CDK6: variants seen among roughly 807,000 people sequenced by gnomAD.
CDK6 encodes cyclin dependent kinase 6.
A neutral mutation model predicts 37.1 loss-of-function variants in CDK6; 6 were observed. That is an observed-to-expected ratio of 0.16 (90% CI 0.09 to 0.32). CDK6 has a LOEUF of 0.32. Ranked by LOEUF, CDK6 falls within the 10% of genes least tolerant of loss-of-function variation. CDK6 has a pLI of 1.00. For missense variants in CDK6, 224 were observed against 418.9 expected (o/e 0.53, Z 4.06); for synonymous variants, 160 against 161.3 (o/e 0.99, Z 0.06).
At chr7:92,620,152 T>C (rs1795777780) in intron 6 of CDK6, among the ~76,000 whole-genome samples, 1 of 152,196 alleles carries the variant, frequency 6.6e-6, no homozygotes, top group African/African-American at 2.4e-5. Context: ...CTACATCTAA[T>C]TACATCTTGC....
At chr7:92,713,637 T>C (rs970129063) in intron 4 of CDK6, among the ~76,000 whole-genome samples, 7 of 150,772 alleles carry the variant, frequency 4.6e-5, no homozygotes, top group African/African-American at 1.7e-4. Flanking sequence ...CCAAGTCAAT[T>C]TGTTTTAAGT....
At chr7:92,703,953 A>G (rs1002817953) in intron 4 of CDK6, among the ~76,000 whole-genome samples, 6 of 151,942 alleles carry the variant, frequency 3.9e-5, no homozygotes, top group Non-Finnish European at 8.8e-5. Context: ...TCTCCTTCCT[A>G]CTTACTCTGC....
intron 3 of CDK6, among the ~76,000 whole-genome samples, chr7:92,744,178 T>C (rs1004742692): frequency 1.3e-5 from 2 of 152,180 alleles, no homozygotes; most frequent in Non-Finnish European, 2.9e-5. Context: ...ACACTGCTAA[T>C]AAAGACGTAT....
intron 2 of CDK6, among the ~76,000 whole-genome samples, chr7:92,785,617 T>C (rs1276183295): frequency 1.3e-5 from 2 of 152,206 alleles, no homozygotes; most frequent in Admixed American, 6.5e-5. Context: ...TTGCCTAAAG[T>C]ACAAAGACAG....
chr7:92,640,457 T>C (rs1197202373), intron 5 of CDK6, among the ~76,000 whole-genome samples: 1 of 152,236 alleles, frequency 6.6e-6, no homozygotes, highest in Non-Finnish European at 1.5e-5. Flanking sequence ...ACTGGCTTAA[T>C]GAAAATAAGA....
chr7:92,687,257 CCATCTCTGTTA>C (rs1269673257), intron 4 of CDK6, among the ~76,000 whole-genome samples: 1 of 152,172 alleles, frequency 6.6e-6, no homozygotes, highest in African/African-American at 2.4e-5. Context: ...GAATCTGCTT[CCATCTCTGTTA>C]CCCCCATAAA....
chr7:92,605,880 C>A lies in CDK6; in HGVS notation c.*9260G>T, dbSNP rs1474699328. Reference sequence around the variant, plus strand: ...ACAGGCCACTGTGGTAACTCTCAATCTGTGTACAGAGAAAAGAGAAGCAAC... The same window carrying A: ...ACAGGCCACTGTGGTAACTCTCAATATGTGTACAGAGAAAAGAGAAGCAAC... On this transcript the variant is annotated 3_prime_UTR_variant, in exon 8 of 8. Transcript: ENST00000424848. 8.6e-6 allele frequency: 2 copies of A among 233,536 alleles called. No homozygotes were observed. The highest frequency in any genetic ancestry group is 4.4e-5 in the African/African-American group (2 of 45,362). The allele number at this position is 233,536 out of a possible 1,614,324, so 14.5% of individuals were successfully genotyped here.
chr7:92,823,284 A>G (rs1468638213), intron 2 of CDK6, among the ~76,000 whole-genome samples: 10 of 151,750 alleles, frequency 6.6e-5, no homozygotes, highest in Admixed American at 6.6e-4. Context: ...TCTGTGAAAC[A>G]GACTTCTTCC....
intron 5 of CDK6, among the ~76,000 whole-genome samples, chr7:92,649,654 T>C (rs1304752565): frequency 6.6e-6 from 1 of 152,238 alleles, no homozygotes; most frequent in Non-Finnish European, 1.5e-5. Flanking sequence ...GGTAGTTTTA[T>C]TATCCATGTT....
At chr7:92,716,627 T>C (rs1376593644) in intron 4 of CDK6, among the ~76,000 whole-genome samples, 1 of 152,210 alleles carries the variant, frequency 6.6e-6, no homozygotes, top group Non-Finnish European at 1.5e-5. Context: ...CACCTCTCCT[T>C]TCCTTAAAAG....
intron 2 of CDK6, among the ~76,000 whole-genome samples, chr7:92,815,426 C>T (rs1801002826): frequency 2.6e-5 from 4 of 152,214 alleles, no homozygotes; most frequent in Non-Finnish European, 4.4e-5. Context: ...ACATACAAGG[C>T]AGTAAGGGAG....
chr7:92,741,505 A>G (rs1204353513), intron 3 of CDK6, among the ~76,000 whole-genome samples: 1 of 152,186 alleles, frequency 6.6e-6, no homozygotes, highest in Non-Finnish European at 1.5e-5. Context: ...ATATATATAA[A>G]AATGTTTGGA....
chr7:92,782,318 C>T (rs2115820785), intron 2 of CDK6, among the ~76,000 whole-genome samples: 1 of 152,284 alleles, frequency 6.6e-6, no homozygotes, highest in East Asian at 1.9e-4. Context: ...AAGTAAACCA[C>T]AGATGGTCTC....
At chr7:92,622,305 C>T (rs1657940300) in intron 6 of CDK6, among the ~76,000 whole-genome samples, 1 of 151,944 alleles carries the variant, frequency 6.6e-6, no homozygotes. Context: ...GTAACTGAAA[C>T]CAAAGAATTT....
chr7:92,818,823 TCAA>T (rs1801093399), intron 2 of CDK6, among the ~76,000 whole-genome samples: 1 of 152,014 alleles, frequency 6.6e-6, no homozygotes, highest in Admixed American at 6.6e-5. Context: ...GAAAAGATAT[TCAA>T]CAACATTAGT....
At chr7:92,631,363 GTTCT>G (rs1184691574) in intron 5 of CDK6, among the ~76,000 whole-genome samples, 3 of 152,134 alleles carry the variant, frequency 2.0e-5, no homozygotes, top group Non-Finnish European at 2.9e-5. Flanking sequence ...AAAAAATTAA[GTTCT>G]TTGTTATTTC....
At chr7:92,671,054 T>G (rs1167186072) in intron 5 of CDK6, among the ~76,000 whole-genome samples, 1 of 152,194 alleles carries the variant, frequency 6.6e-6, no homozygotes, top group African/African-American at 2.4e-5. Flanking sequence ...AAAGTTTTCA[T>G]ACACTTAACA....
At chr7:92,714,307 A>G (rs1191200795) in intron 4 of CDK6, among the ~76,000 whole-genome samples, 1 of 152,204 alleles carries the variant, frequency 6.6e-6, no homozygotes, top group African/African-American at 2.4e-5. Flanking sequence ...AGTGACACGG[A>G]AGCATAAAAT....
Position 92,835,585 on chromosome 7 carries a change from C to T in CDK6, c.-368+893G>A, listed in dbSNP as rs968788512. On this transcript the variant is annotated intron_variant, in intron 1 of 7. Transcript: ENST00000424848. This position sits in a 1 kb window ranked among gnomAD's most constrained non-coding sequence, Gnocchi z 4.2. ...ACATTTCCGCATTCCTCCGCGACTA[C>T]AAAGGCTGCAGCCGCCTCCTTCTGC... is the stretch of plus-strand genomic sequence containing the variant. Among the ~76,000 whole-genome samples, 6 of 152,230 alleles carry T rather than the reference C, an allele frequency of 3.9e-5. No individual in the cohort carries two copies. The highest frequency in any genetic ancestry group is 1.4e-4 in the African/African-American group (6 of 41,454).
Sources: gnomAD v4.1 joint callset for allele counts (sites outside exome capture counted in the v4.1 genomes callset) on GRCh38, gnomAD v4.1.1 for gene constraint, Gnocchi (gnomAD v3.1) non-coding constraint, MANE v1.5 for transcripts, NCBI Gene and HGNC (gene_info 2026-07-23, HGNC 2026-07-21) for gene names.